ARHGAP30: variants seen among roughly 807,000 people sequenced by gnomAD.
The protein encoded by ARHGAP30 is rho GTPase-activating protein 30.
ARHGAP30 carries 23 observed loss-of-function variants against 72.0 expected under a neutral mutation model. That is an observed-to-expected ratio of 0.32 (90% CI 0.23 to 0.45). The LOEUF is 0.45. Among genes scored for constraint, ARHGAP30 ranks in the 20% least tolerant of loss-of-function variants. The pLI, the probability that ARHGAP30 is intolerant of heterozygous loss-of-function variation, is 1.00. For missense variants in ARHGAP30, 1,319 were observed against 1,383.4 expected, an observed-to-expected ratio of 0.95 and a Z score of 0.74; for synonymous variants, 576 against 528.2, an observed-to-expected ratio of 1.09 and a Z score of -1.24.
chr1:161,061,451 C>T (rs932013798), intron 1 of ARHGAP30, among the ~76,000 whole-genome samples: 2 of 149,912 alleles, frequency 1.3e-5, no homozygotes, highest in Non-Finnish European at 2.9e-5. Flanking sequence ...CCGCGCCTGA[C>T]CTGCTTTATA....
rs761936419 is a variant in ARHGAP30, at chr1:161,048,058, G to A, written c.2963C>T (p.Ser988Phe). The A allele has an allele frequency of 1.2e-6, 2 of 1,614,222 alleles. No individual in the cohort carries two copies. Among genetic ancestry groups the A allele is most frequent in the South Asian group, 2.2e-5 (2 of 91,090 alleles). The change falls in exon 12 of 12, where the codon TCT (serine) becomes TTT (phenylalanine). Residue 988 changes from serine to phenylalanine, a missense_variant. By Grantham distance (155) the Ser-to-Phe change is radical (BLOSUM62 -2). Transcript: ENST00000368013. ...GGAAAGACTACCCCCATTCCTCCAA[G>A]AGGATCGAGAAGCTCGGGACCCCCA... Reference protein sequence around the residue: ...RAWGSRASRSSWRNGGSLSFD... With the variant: ...RAWGSRASRSFWRNGGSLSFD...
At chr1:161,064,803 GA>G (rs1341248043) in intron 1 of ARHGAP30, among the ~76,000 whole-genome samples, 2 of 63,794 alleles carry the variant, frequency 3.1e-5, no homozygotes, top group African/African-American at 9.3e-5. Flanking sequence ...AAGAAAGAAA[GA>G]AAGAAAGAAA....
chr1:161,048,147 A>G lies in ARHGAP30; in HGVS notation c.2874T>C (p.His958=), dbSNP rs1177996470. The part of the protein sequence containing the change: ...KMPSAMCSKI[H]VAPANPCPRP... ...TCGGGCATGGATTTGCAGGTGCCAC[A>G]TGAATCTTGCTACACATTGCACTGG... Residue 958 remains histidine (H), a synonymous_variant, in exon 12 of 12, where the codon CAT becomes CAC. Transcript: ENST00000368013. 3 of 1,614,068 alleles carry G rather than the reference A, an allele frequency of 1.9e-6. No individual in the cohort carries two copies. The highest frequency in any genetic ancestry group is 2.2e-5 in the South Asian group (2 of 91,090).
At position 161,047,910 on chromosome 1, in the gene ARHGAP30, G is replaced by A. The variant is rs764031439; in HGVS notation, c.3111C>T (p.Ser1037=). The A allele has an allele frequency of 6.8e-6, 11 of 1,612,962 alleles. No homozygotes were observed. The South Asian group carries it at 1.2e-4, about 18-fold the overall frequency. The change falls in exon 12 of 12, where the codon AGC becomes AGT. Residue 1037 remains serine, a synonymous_variant. Transcript: ENST00000368013. ...GCCGAGGAGAATGGGCAGAGATCAT[G>A]CTACAAGGGGAGGTTCTGGGGATGA... is the stretch of plus-strand genomic sequence containing the variant. ...YCLIPRTSPC[S]MISAHSPRPL... is the part of the protein sequence containing the mutation.
intron 10 of ARHGAP30, among the ~76,000 whole-genome samples, chr1:161,050,914 T>G (rs1651310390): frequency 6.6e-6 from 1 of 152,228 alleles, no homozygotes; most frequent in Non-Finnish European, 1.5e-5. Flanking sequence ...AGTGCTGGGT[T>G]TACAGGCATG....
chr1:161,064,837 GA>G (rs1491212607), intron 1 of ARHGAP30, among the ~76,000 whole-genome samples: 2 of 99,458 alleles, frequency 2.0e-5, no homozygotes, highest in African/African-American at 9.6e-5. Context: ...GAAAGAGAAA[GA>G]AAGAAAGAAA....
At chr1:161,055,972 C>T (rs182721630) in intron 3 of ARHGAP30, among the ~76,000 whole-genome samples, 5 of 150,040 alleles carry the variant, frequency 3.3e-5, no homozygotes, top group Non-Finnish European at 5.9e-5. Flanking sequence ...AGATGTTCAA[C>T]GCATAATTAG....
At chr1:161,062,845 G>C (rs970828012) in intron 1 of ARHGAP30, among the ~76,000 whole-genome samples, 1 of 150,018 alleles carries the variant, frequency 6.7e-6, no homozygotes, top group African/African-American at 2.5e-5. Context: ...ACGGAGTTTC[G>C]CTCTTGTTGC....
intron 1 of ARHGAP30, among the ~76,000 whole-genome samples, chr1:161,062,124 A>G (rs1652355869): frequency 6.6e-6 from 1 of 151,978 alleles, no homozygotes; most frequent in African/African-American, 2.4e-5. Flanking sequence ...CATGTATTGA[A>G]ACCCATCTCC....
rs760875924 is a variant in ARHGAP30 at position 161,052,492 on chromosome 1, A to G, written c.888T>C (p.Gly296=). The G allele has an allele frequency of 3.7e-6, 6 of 1,613,368 alleles. No individual in the cohort carries two copies. The highest frequency in any genetic ancestry group is 5.1e-6 in the Non-Finnish European group (6 of 1,179,948). ...VRKWRSIFNL[G]RSGHETKRKL... Reference sequence around the variant, plus strand: ...TACGCTTAGTCTCATGGCCAGAGCGACCTAAATTGAAGATAGACCTCCACT... The same window carrying G: ...TACGCTTAGTCTCATGGCCAGAGCGGCCTAAATTGAAGATAGACCTCCACT... Residue 296 remains glycine, a synonymous_variant, in exon 8 of 12, where the codon GGT becomes GGC. Coordinates refer to ENST00000368013, the MANE Select transcript of ARHGAP30 (RefSeq NM_001025598.2).
intron 1 of ARHGAP30, among the ~76,000 whole-genome samples, chr1:161,066,369 T>G (rs1652764183): frequency 6.7e-6 from 1 of 149,898 alleles, no homozygotes; most frequent in African/African-American, 2.5e-5. Context: ...TCTAGGGGCC[T>G]GGTGTGGTGG....
In ARHGAP30 at chr1:161,058,860, C is replaced by A. The variant is rs867859717; in HGVS notation, c.200+754G>T. 3.2e-3 allele frequency among the ~76,000 whole-genome samples: 367 copies of A among 114,578 alleles called. 1 individual carries two copies. The highest frequency in any genetic ancestry group is 5.4e-3 in the African/African-American group (150 of 28,022). The allele number at this position is 114,578 out of a possible 152,430, so 75.2% of individuals were successfully genotyped here. On this transcript the variant is annotated intron_variant, in intron 2 of 11. Coordinates refer to ENST00000368013, the MANE Select transcript of ARHGAP30 (RefSeq NM_001025598.2). ...TGGGCAACAGAGTGAGACTCTATCT[C>A]AAAAAAAAAAAAAAGAAAGAAATGT...
rs1252337051 is a variant in ARHGAP30 at position 161,053,354 on chromosome 1, C to T, written c.568G>A (p.Gly190Arg). ...CGCACCTCCATGAAGGCCGCTGTCCCATTGAAGCCTGAGGCCTCTATGTCC... is the reference window on the plus strand; with the variant it reads ...CGCACCTCCATGAAGGCCGCTGTCCTATTGAAGCCTGAGGCCTCTATGTCC... Reference protein sequence around the residue: ...SKDIEASGFNGTAAFMEVRVQ... With the variant: ...SKDIEASGFNRTAAFMEVRVQ... The change falls in exon 6 of 12, where the codon GGG becomes AGG. Residue 190 changes from glycine to arginine, a missense_variant. By Grantham distance (125) the Gly-to-Arg change is moderately radical. This residue lies in a region of ARHGAP30 where 222 missense variants were observed against 338.2 expected (regional missense o/e 0.66). Transcript: ENST00000368013. 1.2e-6 allele frequency: 2 copies of T among 1,614,022 alleles called. No homozygotes were observed. The highest frequency in any genetic ancestry group is 1.7e-6 in the Non-Finnish European group (2 of 1,180,030).
chr1:161,059,295 CTGAGA>C (rs1197008685), intron 2 of ARHGAP30, among the ~76,000 whole-genome samples: 1 of 151,308 alleles, frequency 6.6e-6, no homozygotes, highest in African/African-American at 2.4e-5. Flanking sequence ...TCCCAGAGTG[CTGAGA>C]TTACAAGCGT....
chr1:161,059,724 C>T lies in ARHGAP30; in HGVS notation c.98-8G>A. 5 of 1,610,200 alleles carry T rather than the reference C, an allele frequency of 3.1e-6. No individual in the cohort carries two copies. Among genetic ancestry groups the T allele is most frequent in the Non-Finnish European group, 4.2e-6 (5 of 1,177,366 alleles). On this transcript the variant is annotated splice_polypyrimidine_tract_variant and splice_region_variant and intron_variant, in intron 1 of 11. Transcript: ENST00000368013. ...TCTTTAGCACCTGGGGCACTGGGGA[C>T]ACAGACGGGGCAGAGACATAGAAAT...
chr1:161,065,682 T>G (rs897389929), intron 1 of ARHGAP30, among the ~76,000 whole-genome samples: 1 of 151,576 alleles, frequency 6.6e-6, no homozygotes, highest in South Asian at 2.1e-4. Context: ...TTCTCCTGCC[T>G]CAGCCTCCCA....
chr1:161,061,447 C>CCAGCTAATTTTTGTAT (rs1170798581), intron 1 of ARHGAP30, among the ~76,000 whole-genome samples: 19 of 150,186 alleles, frequency 1.3e-4, no homozygotes, highest in South Asian at 2.1e-4. Context: ...GCCACCGCGC[C>CCAGCTAATTTTTGTAT]TGACCTGCTT....
In ARHGAP30 at chr1:161,048,625, T is replaced by C; in HGVS notation, c.2396A>G (p.Asp799Gly). ...GTACCCCTTCTCCCTCTGTCCTTTG[T>C]CCTCATCCTCTCTGACTCCCTCAGC... The part of the protein sequence containing the change: ...QEAEGVREDE[D>G]KGQREKGYHE... The change falls in exon 12 of 12, where the codon GAC (aspartate) becomes GGC (glycine). Residue 799 changes from aspartate to glycine, a missense_variant. Asp to Gly is a moderately conservative substitution (Grantham distance 94, BLOSUM62 -1). Coordinates refer to ENST00000368013, the MANE Select transcript of ARHGAP30 (RefSeq NM_001025598.2). The C allele has an allele frequency of 6.2e-7, 1 of 1,614,036 alleles. No homozygotes were observed. Among genetic ancestry groups the C allele is most frequent in the Non-Finnish European group, 8.5e-7 (1 of 1,180,008 alleles).
rs749928992 is a variant in ARHGAP30, at chr1:161,048,540, A to G, written c.2481T>C (p.Thr827=). 1 of 1,613,726 alleles carries G rather than the reference A, an allele frequency of 6.2e-7. No homozygotes were observed. The highest frequency in any genetic ancestry group is 8.5e-7 in the Non-Finnish European group (1 of 1,179,920). The change falls in exon 12 of 12, where the codon ACT becomes ACC. Residue 827 remains threonine, a synonymous_variant. Transcript: ENST00000368013. ...TGCTGACCTCCCCTGCTCCTCCTTCAGTTGCTGCTTCTGGGCTTCTGCTGT... is the reference window on the plus strand; with the variant it reads ...TGCTGACCTCCCCTGCTCCTCCTTCGGTTGCTGCTTCTGGGCTTCTGCTGT... The part of the protein sequence containing the change: ...GEDSRSPEAA[T]EGGAGEVSKE...
Sources: gnomAD v4.1 joint callset for allele counts (sites outside exome capture counted in the v4.1 genomes callset) on GRCh38, gnomAD v4.1.1 for gene constraint, gnomAD v4.1.1 regional missense constraint, MANE v1.5 for transcripts, NCBI Gene and HGNC (gene_info 2026-07-23, HGNC 2026-07-21) for gene names.